SVOP: variants seen among roughly 807,000 people sequenced by gnomAD.
SVOP encodes SV2 related protein, also known as synaptic vesicle 2-related protein.
In SVOP, 17 loss-of-function variants were observed where a neutral mutation model predicts 69.1. The observed-to-expected ratio is 0.25, with a 90% CI of 0.17 to 0.37. The LOEUF (loss-of-function observed/expected upper bound fraction) is 0.37. Ranked by LOEUF, SVOP falls within the 10% of genes least tolerant of loss-of-function variation. The probability of loss-of-function intolerance (pLI) is 1.00; values close to 1 mark genes in which losing one functional copy is unlikely to be tolerated. For missense variants in SVOP, 435 were observed against 597.5 expected, an observed-to-expected ratio of 0.73 and a Z score of 2.84; for synonymous variants, 238 against 238.6, an observed-to-expected ratio of 1.00 and a Z score of 0.02.
At position 108,909,754 on chromosome 12, in the gene SVOP, C is replaced by T. The variant is rs1021607443; in HGVS notation, c.*2781G>A. The T allele has an allele frequency of 2.0e-5, 3 of 152,124 alleles. No homozygotes were observed. Among genetic ancestry groups the T allele is most frequent in the East Asian group, 1.9e-4 (1 of 5,196 alleles). The allele number at this position is 152,124 out of a possible 1,614,324, so 9.4% of individuals were successfully genotyped here. On this transcript the variant is annotated 3_prime_UTR_variant, in exon 16 of 16. Coordinates refer to ENST00000610966, the MANE Select transcript of SVOP (RefSeq NM_018711.5). ...TCTTTTGCCACTTTCTGAGATCTTT[C>T]GTAACTCTAAGAGAAACATGGCATT...
intron 14 of SVOP, among the ~76,000 whole-genome samples, 177 bp from the exon 15 acceptor site, chr12:108,916,049 C>A (rs145936939): frequency 6.6e-6 from 1 of 152,208 alleles, no homozygotes; most frequent in African/African-American, 2.4e-5. Flanking sequence ...GGAGGCTCAA[C>A]TCAGACCTAG....
chr12:108,942,305 G>A (rs965637386), intron 7 of SVOP, among the ~76,000 whole-genome samples: 1 of 152,192 alleles, frequency 6.6e-6, no homozygotes, highest in East Asian at 1.9e-4. Context: ...GGCTATAAAC[G>A]TGGTTGTACA....
At chr12:108,970,815 G>A (rs2040074641) in intron 5 of SVOP, among the ~76,000 whole-genome samples, 2 of 152,048 alleles carry the variant, frequency 1.3e-5, no homozygotes, top group South Asian at 4.1e-4. Context: ...AGGAGTTTGA[G>A]ACCAGCCTGG....
intron 1 of SVOP, among the ~76,000 whole-genome samples, chr12:109,019,257 A>G (rs1207442743): frequency 6.6e-6 from 1 of 152,208 alleles, no homozygotes; most frequent in Non-Finnish European, 1.5e-5. Context: ...CTAAATTTTT[A>G]CATTTAAATA....
intron 15 of SVOP, among the ~76,000 whole-genome samples, chr12:108,913,184 C>T (rs1479130780): frequency 6.6e-6 from 1 of 151,950 alleles, no homozygotes; most frequent in Non-Finnish European, 1.5e-5. Context: ...CGATTCTCCT[C>T]CCAAGTAGCT....
At chr12:108,966,260 C>T (rs2040045048) in intron 5 of SVOP, among the ~76,000 whole-genome samples, 2 of 152,140 alleles carry the variant, frequency 1.3e-5, no homozygotes, top group South Asian at 4.1e-4. Flanking sequence ...AGCATCTTGC[C>T]CAAGCTCACC....
At chr12:108,989,917 G>A (rs767912873) in intron 1 of SVOP, among the ~76,000 whole-genome samples, 14 of 152,170 alleles carry the variant, frequency 9.2e-5, no homozygotes, top group Non-Finnish European at 1.2e-4. Context: ...AGAGCTATGC[G>A]AAGCCCTTTA....
At chr12:109,002,637 G>A (rs1593206356) in intron 1 of SVOP, among the ~76,000 whole-genome samples, 1 of 151,726 alleles carries the variant, frequency 6.6e-6, no homozygotes, top group Non-Finnish European at 1.5e-5. Context: ...CATAAAAAAT[G>A]ATGAGTTCAT....
chr12:109,010,060 G>A (rs2040331966), intron 1 of SVOP, among the ~76,000 whole-genome samples: 1 of 150,142 alleles, frequency 6.7e-6, no homozygotes, highest in South Asian at 2.1e-4. Flanking sequence ...GAGTTTGAAG[G>A]CTGCAGTGAG....
At chr12:108,982,210 T>C (rs975305141) in intron 2 of SVOP, among the ~76,000 whole-genome samples, 6 of 150,646 alleles carry the variant, frequency 4.0e-5, no homozygotes, top group Non-Finnish European at 7.4e-5. Flanking sequence ...ATGATCTCCA[T>C]CATCATCTTC....
chr12:108,936,426 T>C (rs1390226405), intron 10 of SVOP, among the ~76,000 whole-genome samples: 2 of 152,108 alleles, frequency 1.3e-5, no homozygotes, highest in African/African-American at 2.4e-5. Context: ...CCTTTTAAAT[T>C]ATATCCCAGT....
chr12:108,980,937 AT>A, intron 2 of SVOP, among the ~76,000 whole-genome samples: 1 of 152,254 alleles, frequency 6.6e-6, no homozygotes, highest in East Asian at 1.9e-4. Flanking sequence ...AAAAATAAAA[AT>A]ACTAAAGGAG....
intron 11 of SVOP, 70 bp from the exon 12 acceptor site, chr12:108,922,867 A>G: frequency 9.4e-7 from 1 of 1,060,472 alleles, no homozygotes; most frequent in Non-Finnish European, 1.4e-6. Context: ...CCTGCTCCCC[A>G]TACCTCCTTC....
At position 108,940,805 on chromosome 12, in the gene SVOP, G is replaced by T. The variant is rs1446503394; in HGVS notation, c.747C>A (p.Leu249=). The T allele has an allele frequency of 5.2e-6, 8 of 1,537,132 alleles. No homozygotes were observed. Among genetic ancestry groups the T allele is most frequent in the Non-Finnish European group, 5.2e-6 (6 of 1,146,902 alleles). ...WLLILSAVPL[L]LFAVLCFWLP... is the part of the protein sequence containing the mutation. Reference sequence around the variant, plus strand: ...CTACGAAACACAGCACGGCAAAGAGGAGGAGCGGGACAGCTGAGAGGATGA... The same window carrying T: ...CTACGAAACACAGCACGGCAAAGAGTAGGAGCGGGACAGCTGAGAGGATGA... Residue 249 remains leucine (L), a synonymous_variant, in exon 8 of 16, where the codon CTC becomes CTA. Transcript: ENST00000610966.
intron 1 of SVOP, among the ~76,000 whole-genome samples, chr12:108,994,375 T>A (rs1233295312): frequency 6.6e-6 from 1 of 152,064 alleles, no homozygotes; most frequent in African/African-American, 2.4e-5. Context: ...GCACCTGTAA[T>A]CCCAGCTACT....
chr12:108,944,365 G>A (rs2039910645), intron 7 of SVOP, among the ~76,000 whole-genome samples: 1 of 152,064 alleles, frequency 6.6e-6, no homozygotes, highest in African/African-American at 2.4e-5. Flanking sequence ...TGGATCAGTG[G>A]AGCATCACCC....
Position 108,915,845 on chromosome 12 carries a change from C to T in SVOP, c.1378G>A (p.Gly460Ser), listed in dbSNP as rs753922905. ...GCCATGCCGCTGCAGGTGCCCAGGC[C>T]GAGGGCCCGCGTTGCCGTGGGGTAG... is the stretch of plus-strand genomic sequence containing the variant. ...EVYPTATRAL[G>S]LGTCSGMARV... Residue 460 changes from glycine to serine, a missense_variant, in exon 15 of 16, where the codon GGC (glycine) becomes AGC (serine). Gly to Ser is a moderately conservative substitution (Grantham distance 56, BLOSUM62 0). Transcript: ENST00000610966. The T allele has an allele frequency of 3.1e-6, 5 of 1,607,964 alleles. No individual in the cohort carries two copies. The highest frequency in any genetic ancestry group is 2.3e-5 in the East Asian group (1 of 44,444).
intron 5 of SVOP, among the ~76,000 whole-genome samples, chr12:108,964,811 C>G (rs1018240073): frequency 2.0e-5 from 3 of 152,142 alleles, no homozygotes; most frequent in African/African-American, 7.2e-5. Context: ...CTTCTTTCCT[C>G]CTTCCCTCTC....
intron 5 of SVOP, among the ~76,000 whole-genome samples, chr12:108,965,752 C>T (rs1410243774): frequency 6.6e-6 from 1 of 152,082 alleles, no homozygotes; most frequent in Non-Finnish European, 1.5e-5. Context: ...CACGTTCAAC[C>T]GAAGGACAGT....
Sources: allele counts gnomAD v4.1 joint callset (sites outside exome capture counted in the v4.1 genomes callset), GRCh38; gene constraint gnomAD v4.1.1; transcripts MANE v1.5; gene names NCBI Gene and HGNC (gene_info 2026-07-23, HGNC 2026-07-21).